The following MSR1 variants were observed in gnomAD, a reference collection of about 807,000 sequenced individuals.
MSR1 encodes macrophage scavenger receptor 1.
A neutral mutation model predicts 47.2 loss-of-function variants in MSR1; 53 were observed. The observed-to-expected ratio is 1.12, with a 90% CI of 0.90 to 1.41. MSR1 has a LOEUF of 1.41. Ranked by LOEUF, MSR1 falls within the 40% of genes most tolerant of loss-of-function variation. MSR1 has a pLI of 0.00. For missense variants in MSR1, 786 were observed against 546.9 expected, an observed-to-expected ratio of 1.44 and a Z score of -4.36; for synonymous variants, 239 against 185.6, an observed-to-expected ratio of 1.29 and a Z score of -2.34.
intron 8 of MSR1, among the ~76,000 whole-genome samples, chr8:16,128,129 CAA>C (rs1338635922): frequency 1.3e-5 from 2 of 152,078 alleles, no homozygotes; most frequent in Non-Finnish European, 2.9e-5. Flanking sequence ...TCTTTAAGAA[CAA>C]AGTTACAGAA....
At chr8:16,135,265 GC>G (rs1800362595) in intron 8 of MSR1, among the ~76,000 whole-genome samples, 1 of 152,106 alleles carries the variant, frequency 6.6e-6, no homozygotes, top group South Asian at 2.1e-4. Context: ...CTTGTTAGGG[GC>G]TAATGCAGCC....
At chr8:16,111,786 C>T (rs76841569) in intron 9 of MSR1, among the ~76,000 whole-genome samples, 13,715 of 152,090 alleles carry the variant, frequency 0.09, 816 homozygotes, top group African/African-American at 0.16. Context: ...CTTTCAAAAA[C>T]TGAATGCCAT....
Position 16,188,292 on chromosome 8 carries a change from T to C in MSR1, c.-5+4306A>G, listed in dbSNP as rs529664800. On this transcript the variant is annotated intron_variant, in intron 1 of 9. Transcript: ENST00000262101. ...ATTATAAAACATTTTAATAATATTA[T>C]AGATATGTTAGGATGAAATTTCTGT... Among the ~76,000 whole-genome samples, 24 of 152,174 alleles carry C rather than the reference T, an allele frequency of 1.6e-4. No homozygotes were observed. The South Asian group carries it at 2.5e-3, about 16-fold the overall frequency.
chr8:16,180,053 CTG>C (rs1801781634), intron 1 of MSR1, among the ~76,000 whole-genome samples: 3 of 151,918 alleles, frequency 2.0e-5, no homozygotes, highest in African/African-American at 7.2e-5. Context: ...TCCCAAAGTG[CTG>C]TGATTGCAGG....
At chr8:16,142,229 G>C (rs1031835190) in intron 8 of MSR1, among the ~76,000 whole-genome samples, 4 of 152,172 alleles carry the variant, frequency 2.6e-5, no homozygotes, top group Non-Finnish European at 5.9e-5. Context: ...TCAGGAGGCT[G>C]AGGTGGGAGA....
intron 9 of MSR1, among the ~76,000 whole-genome samples, chr8:16,113,847 G>C (rs1321746049): frequency 1.3e-5 from 2 of 152,176 alleles, no homozygotes; most frequent in East Asian, 3.9e-4. Flanking sequence ...AGCATGGTAT[G>C]AGAGAAAGGT....
At chr8:16,147,127 G>A (rs1489759691) in intron 7 of MSR1, among the ~76,000 whole-genome samples, 3 of 152,108 alleles carry the variant, frequency 2.0e-5, no homozygotes, top group African/African-American at 7.2e-5. Context: ...AACCTTCTAC[G>A]GATTTTGAAG....
intron 1 of MSR1, among the ~76,000 whole-genome samples, chr8:16,189,981 C>A (rs1306140159): frequency 7.7e-6 from 1 of 129,568 alleles, no homozygotes; most frequent in South Asian, 2.4e-4. Context: ...ATGGTGTGAT[C>A]TCAGCTGACT....
intron 6 of MSR1, among the ~76,000 whole-genome samples, chr8:16,154,599 G>T (rs559295741): frequency 1.3e-5 from 2 of 151,934 alleles, no homozygotes; most frequent in African/African-American, 4.8e-5. Flanking sequence ...AGTCCAATTT[G>T]CTTGTGATTC....
At chr8:16,129,799 C>T (rs1489785411) in intron 8 of MSR1, among the ~76,000 whole-genome samples, 1 of 151,994 alleles carries the variant, frequency 6.6e-6, no homozygotes, top group Admixed American at 6.6e-5. Context: ...TTTCCAGAGA[C>T]GATCGGCTGA....
chr8:16,142,700 G>T (rs1800592897), intron 8 of MSR1, among the ~76,000 whole-genome samples: 1 of 152,044 alleles, frequency 6.6e-6, no homozygotes, highest in Non-Finnish European at 1.5e-5. Context: ...CCAGATTTTG[G>T]TACATAAAAG....
At chr8:16,114,395 G>A (rs1462383977) in intron 9 of MSR1, among the ~76,000 whole-genome samples, 2 of 152,088 alleles carry the variant, frequency 1.3e-5, no homozygotes, top group African/African-American at 4.8e-5. Context: ...TATAAACTCA[G>A]GAGAAGAAGC....
chr8:16,125,590 A>G (rs1800110855), intron 8 of MSR1, among the ~76,000 whole-genome samples: 1 of 152,074 alleles, frequency 6.6e-6, no homozygotes, highest in Non-Finnish European at 1.5e-5. Context: ...AGAAGTTTCA[A>G]TCCTTTCTTT....
intron 7 of MSR1, among the ~76,000 whole-genome samples, chr8:16,144,910 C>G: frequency 6.6e-6 from 1 of 151,882 alleles, no homozygotes; most frequent in East Asian, 1.9e-4. Flanking sequence ...TTTTTGATTT[C>G]TCTAGTTTAC....
intron 1 of MSR1, among the ~76,000 whole-genome samples, chr8:16,181,221 T>C (rs1403410604): frequency 1.3e-5 from 2 of 152,218 alleles, no homozygotes; most frequent in African/African-American, 2.4e-5. Context: ...AGTAATGTGA[T>C]TGCTGGGTCA....
intron 9 of MSR1, among the ~76,000 whole-genome samples, chr8:16,119,387 G>A (rs922144686): frequency 2.0e-5 from 3 of 151,936 alleles, no homozygotes; most frequent in African/African-American, 7.3e-5. Context: ...CACCATGCCT[G>A]GCTAATTTTT....
Position 16,164,214 on chromosome 8 carries a change from G to C in MSR1, c.668C>G (p.Ser223Ter). The C allele has an allele frequency of 6.2e-7, 1 of 1,612,102 alleles. No individual in the cohort carries two copies. The highest frequency in any genetic ancestry group is 8.5e-7 in the Non-Finnish European group (1 of 1,179,018). Residue 223 changes from serine (S) to a stop codon, truncating the protein, a stop_gained, in exon 5 of 10, where the codon TCA becomes TGA. Transcript: ENST00000262101. LOFTEE classifies it high-confidence loss of function. ...SKLEERVYNV[S>*]AEIMAMKEEQ... ...TTCTTTCATAGCCATAATTTCTGCTGATACATTGTAAACACGCTCCTCTAA... is the reference window on the plus strand; with the variant it reads ...TTCTTTCATAGCCATAATTTCTGCTCATACATTGTAAACACGCTCCTCTAA...
intron 3 of MSR1, among the ~76,000 whole-genome samples, chr8:16,171,906 G>A (rs569822243): frequency 2.7e-4 from 41 of 152,262 alleles, no homozygotes; most frequent in Admixed American, 2.3e-3. Flanking sequence ...GGTACTAATA[G>A]TCAGTGTCCA....
intron 1 of MSR1, among the ~76,000 whole-genome samples, chr8:16,180,167 T>G (rs141448517): frequency 4.6e-5 from 7 of 151,980 alleles, no homozygotes; most frequent in Non-Finnish European, 1.0e-4. Flanking sequence ...TCTCTCTCCC[T>G]TCTCTCTTCT....
Sources: allele counts gnomAD v4.1 joint callset (sites outside exome capture counted in the v4.1 genomes callset), GRCh38; gene constraint gnomAD v4.1.1; transcripts MANE v1.5; gene names NCBI Gene and HGNC (gene_info 2026-07-23, HGNC 2026-07-21).